DLC1: variants seen among roughly 807,000 people sequenced by gnomAD.
DLC1 encodes rho GTPase-activating protein 7.
A neutral mutation model predicts 140.3 loss-of-function variants in DLC1; 54 were observed. The observed-to-expected ratio is 0.38, with a 90% CI of 0.31 to 0.48. The LOEUF (loss-of-function observed/expected upper bound fraction) is 0.48. Ranked by LOEUF, DLC1 falls within the 20% of genes least tolerant of loss-of-function variation. DLC1 has a pLI of 0.96. For missense variants in DLC1, 2,536 were observed against 1,907.0 expected (o/e 1.33, Z -6.14); for synonymous variants, 986 against 728.1 (o/e 1.35, Z -5.70).
At chr8:13,179,410 G>A (rs543505416) in intron 5 of DLC1, among the ~76,000 whole-genome samples, 1 of 152,194 alleles carries the variant, frequency 6.6e-6, no homozygotes, top group African/African-American at 2.4e-5. Context: ...CACATGCACT[G>A]TATATATATT....
intron 5 of DLC1, among the ~76,000 whole-genome samples, chr8:13,159,561 T>C (rs773358434): frequency 8.5e-5 from 13 of 152,202 alleles, no homozygotes; most frequent in Admixed American, 2.0e-4. Flanking sequence ...GTGAAACCTC[T>C]AGGTGTATCA....
intron 5 of DLC1, among the ~76,000 whole-genome samples, chr8:13,164,585 C>T (rs968360347): frequency 2.0e-5 from 3 of 152,122 alleles, no homozygotes; most frequent in Non-Finnish European, 2.9e-5. Flanking sequence ...ATGAGCATAT[C>T]AACATGGAAC....
At position 13,468,921 on chromosome 8, in the gene DLC1, A is replaced by G. The variant is rs536319424; in HGVS notation, c.1023+30128T>C. Among the ~76,000 whole-genome samples, 7 of 149,244 alleles carry G rather than the reference A, an allele frequency of 4.7e-5. No individual in the cohort carries two copies. In the South Asian group the frequency reaches 1.5e-3, roughly 32 times the overall value. ...CTGCAACCTCGGCCTCCCGGGTTCA[A>G]GTGATTCTCCTGCCTCAGCCTCCCG... On this transcript the variant is annotated intron_variant, in intron 2 of 17. Transcript: ENST00000276297.
intron 4 of DLC1, among the ~76,000 whole-genome samples, chr8:13,352,972 T>C (rs1834744806): frequency 6.6e-6 from 1 of 152,154 alleles, no homozygotes; most frequent in Non-Finnish European, 1.5e-5. Context: ...AGTAAAACAC[T>C]AACAAGCAAA....
intron 5 of DLC1, among the ~76,000 whole-genome samples, chr8:13,127,689 A>T (rs1004672698): frequency 6.6e-6 from 1 of 152,202 alleles, no homozygotes; most frequent in Non-Finnish European, 1.5e-5. Context: ...GTGGCTTCCT[A>T]AAGTGCTGCC....
At chr8:13,255,410 T>C (rs78310909) in intron 5 of DLC1, among the ~76,000 whole-genome samples, 1,878 of 152,280 alleles carry the variant, frequency 0.012, 45 homozygotes, top group African/African-American at 0.043. Flanking sequence ...ACTCCATAAA[T>C]GACATTATTG....
At chr8:13,543,691 G>A (rs1486464512) in intron 1 of DLC1, among the ~76,000 whole-genome samples, 3 of 152,108 alleles carry the variant, frequency 2.0e-5, no homozygotes, top group Non-Finnish European at 4.4e-5. Flanking sequence ...GTCTTTTGTA[G>A]CAACTTGGAT....
chr8:13,522,125 G>A (rs746717486), intron 1 of DLC1, among the ~76,000 whole-genome samples: 14 of 152,114 alleles, frequency 9.2e-5, no homozygotes, highest in Non-Finnish European at 1.9e-4. Flanking sequence ...TCCAAAAGGT[G>A]GGATGAGAAT....
intron 4 of DLC1, among the ~76,000 whole-genome samples, chr8:13,368,151 G>A (rs981749108): frequency 1.3e-5 from 2 of 152,112 alleles, no homozygotes; most frequent in Non-Finnish European, 2.9e-5. Context: ...CTCTTCTGTT[G>A]AAAGACATAA....
intron 5 of DLC1, among the ~76,000 whole-genome samples, chr8:13,290,096 C>G (rs1409065770): frequency 3.3e-5 from 5 of 152,014 alleles, no homozygotes; most frequent in African/African-American, 1.2e-4. Flanking sequence ...AATACATATT[C>G]AAAAATAGTT....
intron 5 of DLC1, among the ~76,000 whole-genome samples, chr8:13,283,048 T>A (rs538780815): frequency 6.6e-6 from 1 of 152,306 alleles, no homozygotes; most frequent in South Asian, 2.1e-4. Context: ...AAAAGCAGTT[T>A]TAGATAATGG....
At chr8:13,528,409 G>A (rs1802987860) in intron 1 of DLC1, among the ~76,000 whole-genome samples, 1 of 152,014 alleles carries the variant, frequency 6.6e-6, no homozygotes, top group Non-Finnish European at 1.5e-5. Flanking sequence ...AAAATATGTT[G>A]GGCAGCAAGT....
At chr8:13,132,319 C>G (rs1585725153) in intron 5 of DLC1, among the ~76,000 whole-genome samples, 1 of 151,504 alleles carries the variant, frequency 6.6e-6, no homozygotes, top group African/African-American at 2.4e-5. Context: ...CTGCGGCCAC[C>G]AAACCGAGAC....
chr8:13,142,071 G>A (rs1484546058), intron 5 of DLC1, among the ~76,000 whole-genome samples: 1 of 152,138 alleles, frequency 6.6e-6, no homozygotes, highest in African/African-American at 2.4e-5. Flanking sequence ...ATAAATGGTA[G>A]CTTTTTCCCA....
Position 13,246,183 on chromosome 8 carries a change from T to A in DLC1, c.1348+59086A>T, listed in dbSNP as rs541417606. On this transcript the variant is annotated intron_variant, in intron 5 of 17. Coordinates refer to ENST00000276297, the MANE Select transcript of DLC1 (RefSeq NM_182643.3). ...GAAGAGTTTTAGAGGCTGTTTGCAATAATGGCGAGTTAAAGGCAGGAAGGA... is the reference window on the plus strand; with the variant it reads ...GAAGAGTTTTAGAGGCTGTTTGCAAAAATGGCGAGTTAAAGGCAGGAAGGA... Among the ~76,000 whole-genome samples, 19 of 152,314 alleles carry A rather than the reference T, an allele frequency of 1.2e-4. 1 individual carries two copies. The South Asian group carries it at 3.9e-3, about 32-fold the overall frequency.
At chr8:13,349,375 C>T (rs1026207069) in intron 4 of DLC1, among the ~76,000 whole-genome samples, 4 of 151,900 alleles carry the variant, frequency 2.6e-5, no homozygotes, top group African/African-American at 4.8e-5. Flanking sequence ...TCTCAAAACA[C>T]ATTATAGCGA....
intron 5 of DLC1, among the ~76,000 whole-genome samples, chr8:13,297,102 T>A (rs7007504): frequency 0.32 from 47,715 of 150,198 alleles, 8,183 homozygotes; most frequent in Non-Finnish European, 0.38. Flanking sequence ...TTACTTATAT[T>A]TTTCATGAAT....
chr8:13,485,135 C>G (rs1038357027), intron 2 of DLC1, among the ~76,000 whole-genome samples: 1 of 152,156 alleles, frequency 6.6e-6, no homozygotes, highest in African/African-American at 2.4e-5. Context: ...GGCTTCGTAG[C>G]TCCTTTATAC....
intron 4 of DLC1, among the ~76,000 whole-genome samples, chr8:13,310,576 A>G (rs1043967946): frequency 2.6e-5 from 4 of 152,236 alleles, no homozygotes; most frequent in Admixed American, 2.0e-4. Context: ...TTTTTTGGGA[A>G]GACATGAAAG....
Sources: gnomAD v4.1 joint callset for allele counts (sites outside exome capture counted in the v4.1 genomes callset) on GRCh38, gnomAD v4.1.1 for gene constraint, MANE v1.5 for transcripts, NCBI Gene and HGNC (gene_info 2026-07-23, HGNC 2026-07-21) for gene names.